FBXO24: variants seen among roughly 807,000 people sequenced by gnomAD.
The protein encoded by FBXO24 is F-box only protein 24.
In FBXO24, 30 loss-of-function variants were observed where a neutral mutation model predicts 63.5. That is an observed-to-expected ratio of 0.47 (90% CI 0.35 to 0.64). The LOEUF is 0.64. Among genes scored for constraint, FBXO24 ranks in the 30% least tolerant of loss-of-function variants. The pLI is 0.00. For missense variants in FBXO24, 624 were observed against 763.4 expected (o/e 0.82, Z 2.15); for synonymous variants, 300 against 305.0 (o/e 0.98, Z 0.17).
chr7:100,588,980 G>A (rs1037625421), intron 1 of FBXO24, among the ~76,000 whole-genome samples: 3 of 151,628 alleles, frequency 2.0e-5, no homozygotes, highest in South Asian at 2.1e-4. Context: ...GCATCACCAC[G>A]CCTGGGTAAT....
rs182905771 is a variant in FBXO24 at position 100,587,473 on chromosome 7, T to G, written c.39+809T>G. On this transcript the variant is annotated intron_variant, in intron 1 of 9. Transcript: ENST00000241071. ...GCCCGCCACCACACCCGGCTAATTT[T>G]TTGTATTTTAGTAGAGACGGGGTTT... Among the ~76,000 whole-genome samples the G allele has an allele frequency of 2.7e-3, 403 of 151,566 alleles. 2 individuals are homozygous for G. The highest frequency in any genetic ancestry group is 9.4e-3 in the African/African-American group (389 of 41,284).
chr7:100,587,893 C>T (rs543227168), intron 1 of FBXO24, among the ~76,000 whole-genome samples: 1 of 151,924 alleles, frequency 6.6e-6, no homozygotes, highest in East Asian at 1.9e-4. Context: ...CCACCGCACC[C>T]GGCCCACAGT....
At chr7:100,597,587 T>C (rs1802373016) in intron 8 of FBXO24, among the ~76,000 whole-genome samples, 1 of 151,900 alleles carries the variant, frequency 6.6e-6, no homozygotes, top group South Asian at 2.1e-4. Flanking sequence ...AGAGACGGAG[T>C]TTTACCATGT....
Position 100,594,631 on chromosome 7 carries a change from T to C in FBXO24, c.952+90T>C. 7.4e-7 allele frequency: 1 copy of C among 1,355,738 alleles called. No homozygotes were observed. The highest frequency in any genetic ancestry group is 9.7e-7 in the Non-Finnish European group (1 of 1,035,310). The allele number at this position is 1,355,738 out of a possible 1,614,324, so 84.0% of individuals were successfully genotyped here. A position where few individuals can be genotyped will look rare whatever the true frequency, so the allele number is the denominator to read the frequency against. ...CTTCACCCTTACTCCAGCTGCATGG[T>C]GAACCCCTGAGGGCATCCTAGTGAA... is the stretch of plus-strand genomic sequence containing the variant. On this transcript the variant is annotated intron_variant, in intron 6 of 9. Coordinates refer to ENST00000241071, the MANE Select transcript of FBXO24 (RefSeq NM_033506.3). The surrounding 1 kb of genome is among the most constrained non-coding windows in gnomAD (Gnocchi z 4.2).
At chr7:100,590,634 C>T (rs1801970780) in intron 3 of FBXO24, among the ~76,000 whole-genome samples, 1 of 152,216 alleles carries the variant, frequency 6.6e-6, no homozygotes, top group South Asian at 2.1e-4. Context: ...CTCCCCAAAC[C>T]TGGAGTTTTC....
chr7:100,595,650 A>G lies in FBXO24; in HGVS notation c.1150A>G (p.Asn384Asp). 6.2e-7 allele frequency: 1 copy of G among 1,613,578 alleles called. No individual in the cohort carries two copies. The highest frequency in any genetic ancestry group is 1.1e-5 in the South Asian group (1 of 91,038). The change falls in exon 8 of 10, where the codon AAC (asparagine) becomes GAC (aspartate). Residue 384 changes from asparagine to aspartate, a missense_variant. Coordinates refer to ENST00000241071, the MANE Select transcript of FBXO24 (RefSeq NM_033506.3). Reference sequence around the variant, plus strand: ...TGGCCGAATCTTCATGCAAGGAAATAACAGATACGGGCAGCTAGGAACAGG... The same window carrying G: ...TGGCCGAATCTTCATGCAAGGAAATGACAGATACGGGCAGCTAGGAACAGG... ...EFGRIFMQGN[N>D]RYGQLGTGDK...
intron 1 of FBXO24, among the ~76,000 whole-genome samples, chr7:100,588,991 T>A (rs1208702677): frequency 6.6e-6 from 1 of 151,246 alleles, no homozygotes; most frequent in African/African-American, 2.5e-5. Context: ...CCTGGGTAAT[T>A]TTTAAGTTTT....
At chr7:100,593,151 C>T (rs1584425946) in intron 5 of FBXO24, 134 bp downstream of exon 5, 1 of 650,790 alleles carries the variant, frequency 1.5e-6, no homozygotes, top group South Asian at 1.9e-5. Context: ...CTAAACAGCT[C>T]TGCCCTTCTC....
Position 100,594,145 on chromosome 7 carries a change from C to T in FBXO24, c.794-238C>T, listed in dbSNP as rs781368068. 3.9e-5 allele frequency among the ~76,000 whole-genome samples: 6 copies of T among 152,244 alleles called. No individual in the cohort carries two copies. The highest frequency in any genetic ancestry group is 5.9e-5 in the Non-Finnish European group (4 of 68,026). On this transcript the variant is annotated intron_variant, in intron 5 of 9. Coordinates refer to ENST00000241071, the MANE Select transcript of FBXO24 (RefSeq NM_033506.3). The surrounding 1 kb of genome is among the most constrained non-coding windows in gnomAD (Gnocchi z 4.2). ...CAATCCCCAGACCTCTCACTCAAAT[C>T]GGATTCTAACAAATCTGCTAGATTT...
chr7:100,589,553 CAGAG>C, intron 1 of FBXO24: 2 of 1,416,564 alleles, frequency 1.4e-6, no homozygotes, highest in Middle Eastern at 2.6e-4. Context: ...AGTGAGGTCA[CAGAG>C]AGGTTTGTTA....
At chr7:100,586,745 G>T (rs754265111) in intron 1 of FBXO24, 81 bp downstream of exon 1, 19 of 1,512,384 alleles carry the variant, frequency 1.3e-5, no homozygotes, top group Non-Finnish European at 9.2e-7. Context: ...CCGCTGCAGT[G>T]GCGAGTGCGA....
intron 4 of FBXO24, among the ~76,000 whole-genome samples, chr7:100,592,445 C>T (rs976753522): frequency 4.6e-5 from 7 of 152,076 alleles, no homozygotes; most frequent in Non-Finnish European, 8.8e-5. Context: ...CTTATAAATC[C>T]GTCAGACCTC....
intron 8 of FBXO24, among the ~76,000 whole-genome samples, chr7:100,596,812 G>A (rs564321766): frequency 2.2e-4 from 33 of 152,306 alleles, no homozygotes; most frequent in African/African-American, 7.5e-4. Flanking sequence ...GGAGACCAAG[G>A]TGGGTGGATC....
At position 100,594,565 on chromosome 7, in the gene FBXO24, CA is replaced by C; in HGVS notation, c.952+26del. On this transcript the variant is annotated intron_variant, in intron 6 of 9. Coordinates refer to ENST00000241071, the MANE Select transcript of FBXO24 (RefSeq NM_033506.3). This position sits in a 1 kb window ranked among gnomAD's most constrained non-coding sequence, Gnocchi z 4.2. ...AGGTATGGACCACCTCCCCCCGGCTCAAGCCCGCAGCCTTGGTTAGACCCTC... is the reference window on the plus strand; with the variant it reads ...AGGTATGGACCACCTCCCCCCGGCTCAGCCCGCAGCCTTGGTTAGACCCTC... 6.5e-7 allele frequency: 1 copy of C among 1,544,194 alleles called. No individual in the cohort carries two copies. Among genetic ancestry groups the C allele is most frequent in the South Asian group, 1.2e-5 (1 of 82,760 alleles).
chr7:100,598,971 T>G (rs1363144374), intron 8 of FBXO24, among the ~76,000 whole-genome samples: 1 of 146,894 alleles, frequency 6.8e-6, no homozygotes, highest in African/African-American at 2.5e-5. Flanking sequence ...AGAGCGAGAC[T>G]CCGTCTCTAC....
chr7:100,595,715 A>G lies in FBXO24; in HGVS notation c.1206+9A>G. 1 of 1,583,034 alleles carries G rather than the reference A, an allele frequency of 6.3e-7. No homozygotes were observed. The highest frequency in any genetic ancestry group is 8.6e-7 in the Non-Finnish European group (1 of 1,160,182). ...GAGGGGAACCCACACAGGTGAGACT[A>G]TTTCCCAGCAACTCTCATCCCAACC... On this transcript the variant is annotated intron_variant, in intron 8 of 9. Coordinates refer to ENST00000241071, the MANE Select transcript of FBXO24 (RefSeq NM_033506.3).
chr7:100,595,689 C>T lies in FBXO24; in HGVS notation c.1189C>T (p.Arg397Ter). ...GQLGTGDKMD[R>*]GEPTQVCYLQ... The stretch of plus-strand genomic sequence containing the variant: ...GCTAGGAACAGGGGACAAAATGGAC[C>T]GAGGGGAACCCACACAGGTGAGACT... Residue 397 changes from arginine (R) to a stop codon, truncating the protein, a stop_gained, in exon 8 of 10, where the codon CGA becomes TGA. Coordinates refer to ENST00000241071, the MANE Select transcript of FBXO24 (RefSeq NM_033506.3). LOFTEE classifies it high-confidence loss of function. 6 of 1,608,030 alleles carry T rather than the reference C, an allele frequency of 3.7e-6. No individual in the cohort carries two copies. The highest frequency in any genetic ancestry group is 5.1e-6 in the Non-Finnish European group (6 of 1,176,558).
chr7:100,595,356 T>C lies in FBXO24; in HGVS notation c.1074+133T>C, dbSNP rs548637111. On this transcript the variant is annotated intron_variant, in intron 7 of 9. Transcript: ENST00000241071. The stretch of plus-strand genomic sequence containing the variant: ...CCAGGGAGAGGTATGCCAAAAGAGA[T>C]CAGCTGGGGGCTCGGTGCGGAGGGA... The C allele has an allele frequency of 1.0e-4, 153 of 1,501,780 alleles. No individual in the cohort carries two copies. In the East Asian group the frequency reaches 3.3e-3, roughly 33 times the overall value. 93.0% of individuals were successfully genotyped at this position (1,501,780 alleles called of 1,614,324 possible).
intron 8 of FBXO24, among the ~76,000 whole-genome samples, chr7:100,599,170 C>T (rs1474077782): frequency 6.6e-6 from 1 of 152,162 alleles, no homozygotes; most frequent in African/African-American, 2.4e-5. Flanking sequence ...AGAAGAATGG[C>T]TTGAGCCCAG....
Sources: gnomAD v4.1 joint callset for allele counts (sites outside exome capture counted in the v4.1 genomes callset) on GRCh38, gnomAD v4.1.1 for gene constraint, Gnocchi (gnomAD v3.1) non-coding constraint, MANE v1.5 for transcripts, NCBI Gene and HGNC (gene_info 2026-07-23, HGNC 2026-07-21) for gene names.